Variants in KLF13 observed in about 807,000 individuals in gnomAD.
The protein encoded by KLF13 is KLF transcription factor 13, also known as Krueppel-like factor 13.
In KLF13, 8 loss-of-function variants were observed where a neutral mutation model predicts 16.7. The ratio of observed to expected loss-of-function variants is 0.48; its 90% CI spans 0.28 to 0.87. The LOEUF (loss-of-function observed/expected upper bound fraction) is 0.87, where lower values mean the gene tolerates loss of function less well. Among genes scored for constraint, KLF13 ranks in the 40% least tolerant of loss-of-function variants. The pLI is 0.10. For missense variants in KLF13, 447 were observed against 452.2 expected, an observed-to-expected ratio of 0.99 and a Z score of 0.10; for synonymous variants, 245 against 208.4, an observed-to-expected ratio of 1.18 and a Z score of -1.51.
chr15:31,388,999 T>C (rs2039828836), upstream of KLF13, among the ~76,000 whole-genome samples: 1 of 152,160 alleles, frequency 6.6e-6, no homozygotes, highest in Non-Finnish European at 1.5e-5. Flanking sequence ...GGCTTCCTAA[T>C]ATGAAAGATG....
At chr15:31,361,365 T>G (rs1291170894) in intron 1 of KLF13, among the ~76,000 whole-genome samples, 1 of 152,134 alleles carries the variant, frequency 6.6e-6, no homozygotes, top group Non-Finnish European at 1.5e-5. Flanking sequence ...ACTTGGTTTC[T>G]CACCTCTGAC....
rs1383224066 is a variant in KLF13, at chr15:31,327,137, T to C, written c.-76T>C. 1.0e-5 allele frequency: 9 copies of C among 857,734 alleles called. No individual in the cohort carries two copies. The highest frequency in any genetic ancestry group is 8.5e-6 in the Non-Finnish European group (6 of 703,616). The allele number at this position is 857,734 out of a possible 1,614,324, so 53.1% of individuals were successfully genotyped here. A position where few individuals can be genotyped will look rare whatever the true frequency, so the allele number is the denominator to read the frequency against. On this transcript the variant is annotated 5_prime_UTR_variant, in exon 1 of 2. Coordinates refer to ENST00000307145, the MANE Select transcript of KLF13 (RefSeq NM_015995.4). Reference sequence around the variant, plus strand: ...CGCCGCGCCCCCGCCCCCCGCCCGCTCTCCCGAGGCCGTGGGTGCGGATGC... The same window carrying C: ...CGCCGCGCCCCCGCCCCCCGCCCGCCCTCCCGAGGCCGTGGGTGCGGATGC...
intron 1 of KLF13, chr15:31,420,462 A>G: frequency 2.5e-6 from 2 of 801,582 alleles, no homozygotes; most frequent in Non-Finnish European, 2.1e-6. Context: ...ACCCAGGGTA[A>G]CATATGCCTG....
intron 2 of KLF13, among the ~76,000 whole-genome samples, chr15:31,396,086 C>T (rs1290221146): frequency 6.6e-6 from 1 of 152,122 alleles, no homozygotes; most frequent in African/African-American, 2.4e-5. Context: ...AGTGCAATGG[C>T]GCGATCTTGG....
intron 1 of KLF13, among the ~76,000 whole-genome samples, chr15:31,355,233 G>C (rs995615271): frequency 6.6e-6 from 1 of 152,144 alleles, no homozygotes; most frequent in African/African-American, 2.4e-5. Flanking sequence ...TCCTGTGGAC[G>C]GTCCCTCACC....
At chr15:31,346,421 C>T (rs988409170) in intron 1 of KLF13, among the ~76,000 whole-genome samples, 2 of 152,290 alleles carry the variant, frequency 1.3e-5, no homozygotes, top group South Asian at 2.1e-4. Context: ...GACCCCCCAC[C>T]GCTGTTACCA....
intron 1 of KLF13, chr15:31,366,630 A>C (rs1267183752): frequency 7.1e-6 from 1 of 140,922 alleles, no homozygotes; most frequent in Non-Finnish European, 1.6e-5. Flanking sequence ...TGAGCCCAGC[A>C]AGGAGGGTGC....
downstream of KLF13, among the ~76,000 whole-genome samples, chr15:31,408,095 T>G (rs1298891184): frequency 6.6e-6 from 1 of 152,156 alleles, no homozygotes; most frequent in African/African-American, 2.4e-5. Flanking sequence ...TGTTTGCAGA[T>G]GACAAAATGG....
Position 31,327,471 on chromosome 15 carries a change from G to A in KLF13, c.259G>A (p.Ala87Thr), listed in dbSNP as rs1379681697. 2 of 1,175,192 alleles carry A rather than the reference G, an allele frequency of 1.7e-6. No individual in the cohort carries two copies. Among genetic ancestry groups the A allele is most frequent in the Non-Finnish European group, 2.1e-6 (2 of 954,392 alleles). 72.8% of individuals were successfully genotyped at this position (1,175,192 alleles called of 1,614,324 possible). Residue 87 changes from alanine to threonine, a missense_variant, in exon 1 of 2, where the codon GCC becomes ACC. By Grantham distance (58) the Ala-to-Thr change is moderately conservative (BLOSUM62 0). Coordinates refer to ENST00000307145, the MANE Select transcript of KLF13 (RefSeq NM_015995.4). ...APAPAERREGAAARKARTPCR... is the reference protein window; with the variant it reads ...APAPAERREGTAARKARTPCR... ...CGCCCCGGCGGAGCGCAGGGAGGGC[G>A]CCGCGGCCCGGAAGGCGAGGACCCC...
chr15:31,360,669 A>T (rs545737988), intron 1 of KLF13, among the ~76,000 whole-genome samples: 1 of 152,062 alleles, frequency 6.6e-6, no homozygotes, highest in East Asian at 1.9e-4. Flanking sequence ...GGCACTGTTC[A>T]CCTGTTTCAG....
chr15:31,344,387 G>T (rs185451803), intron 1 of KLF13, among the ~76,000 whole-genome samples: 1 of 152,228 alleles, frequency 6.6e-6, no homozygotes, highest in Admixed American at 6.5e-5. Flanking sequence ...ACGTTTTCAT[G>T]TGTCTGGCTG....
chr15:31,345,899 C>G (rs1396266667), intron 1 of KLF13, among the ~76,000 whole-genome samples: 1 of 152,194 alleles, frequency 6.6e-6, no homozygotes, highest in Non-Finnish European at 1.5e-5. Context: ...CCACCTCTCA[C>G]CCCTGGTTGT....
intron 1 of KLF13, among the ~76,000 whole-genome samples, chr15:31,348,053 G>A (rs1566810531): frequency 6.6e-6 from 1 of 152,210 alleles, no homozygotes; most frequent in Admixed American, 6.5e-5. Flanking sequence ...ACTTTCAGGG[G>A]GGTTTATTTC....
downstream of KLF13, among the ~76,000 whole-genome samples, chr15:31,379,464 A>G (rs1330361006): frequency 1.3e-5 from 2 of 151,952 alleles, no homozygotes; most frequent in Non-Finnish European, 2.9e-5. Flanking sequence ...AAAGCCTGTC[A>G]GTTATGTCAC....
In KLF13 at chr15:31,420,670, C is replaced by T. The variant is rs146670623; in HGVS notation, n.118-14700C>T. 221 of 350,538 alleles carry T rather than the reference C, an allele frequency of 6.3e-4. 1 individual carries two copies. The highest frequency in any genetic ancestry group is 4.6e-3 in the African/African-American group (209 of 45,874). The allele number at this position is 350,538 out of a possible 1,614,324, so 21.7% of individuals were successfully genotyped here. On this transcript the variant is annotated intron_variant and non_coding_transcript_variant, in intron 1 of 1. Coordinates refer to the KLF13 transcript ENST00000558225. Reference sequence around the variant, plus strand: ...CAGCCAGGACCCCTGACCCAGGCTGCCCAGACTGTCCTTTTTTTTTCTTTC... The same window carrying T: ...CAGCCAGGACCCCTGACCCAGGCTGTCCAGACTGTCCTTTTTTTTTCTTTC...
chr15:31,425,508 A>T (rs1420740922), intron 1 of KLF13, among the ~76,000 whole-genome samples: 1 of 152,206 alleles, frequency 6.6e-6, no homozygotes, highest in Non-Finnish European at 1.5e-5. Context: ...GGAAGGCAAG[A>T]CCATAACCAA....
At chr15:31,420,155 G>A (rs1047762833) in intron 1 of KLF13, 7 of 484,954 alleles carry the variant, frequency 1.4e-5, no homozygotes, top group East Asian at 4.9e-5. Context: ...TAACCCAGCA[G>A]CCACTAGTGT....
intron 1 of KLF13, among the ~76,000 whole-genome samples, chr15:31,343,562 C>T (rs192426672): frequency 3.0e-4 from 46 of 152,338 alleles, no homozygotes; most frequent in Admixed American, 6.5e-4. Context: ...CTGATGGGCC[C>T]TGGCAGAGTC....
intron 1 of KLF13, among the ~76,000 whole-genome samples, chr15:31,330,354 C>T (rs1377973188): frequency 6.6e-6 from 1 of 152,302 alleles, no homozygotes; most frequent in Admixed American, 6.5e-5. Flanking sequence ...CCCCACTTCC[C>T]GCATTTCCAG....
Sources: allele counts gnomAD v4.1 joint callset (sites outside exome capture counted in the v4.1 genomes callset), GRCh38; gene constraint gnomAD v4.1.1; transcripts MANE v1.5; gene names NCBI Gene and HGNC (gene_info 2026-07-23, HGNC 2026-07-21).